The following TP63 variants were observed in gnomAD, a reference collection of about 807,000 sequenced individuals.
The protein encoded by TP63 is tumor protein p63.
A neutral mutation model predicts 82.8 loss-of-function variants in TP63; 17 were observed. The ratio of observed to expected loss-of-function variants is 0.21; its 90% CI spans 0.14 to 0.31. The LOEUF is 0.31. TP63 is among the 10% of genes least tolerant of loss of function. The probability of loss-of-function intolerance (pLI) is 1.00; values close to 1 mark genes in which losing one functional copy is unlikely to be tolerated. For synonymous variants in TP63, 330 were observed against 321.7 expected (o/e 1.03, Z -0.28); for missense variants, 648 against 895.3 (o/e 0.72, Z 3.52).
intron 4 of TP63, among the ~76,000 whole-genome samples, chr3:189,850,341 G>A (rs747073237): frequency 2.0e-4 from 30 of 151,948 alleles, no homozygotes; most frequent in Non-Finnish European, 2.9e-4. Flanking sequence ...CGTAAAAAAA[G>A]TAAGTAAATT....
chr3:189,675,399 G>C (rs1423250198), intron 1 of TP63, among the ~76,000 whole-genome samples: 1 of 151,926 alleles, frequency 6.6e-6, no homozygotes. Context: ...ACTGTCTATA[G>C]GTCATTTTAA....
intron 1 of TP63, among the ~76,000 whole-genome samples, chr3:189,680,405 TGAAAAG>T (rs1482453526): frequency 2.0e-5 from 3 of 152,088 alleles, no homozygotes; most frequent in Admixed American, 6.6e-5. Flanking sequence ...TCCAAAAAAT[TGAAAAG>T]GAGAGACCAC....
intron 12 of TP63, among the ~76,000 whole-genome samples, chr3:189,890,408 A>G (rs1420350176): frequency 3.9e-5 from 6 of 152,220 alleles, no homozygotes; most frequent in Non-Finnish European, 4.4e-5. Flanking sequence ...TACAAAACAA[A>G]TAAAGTAGAG....
intron 1 of TP63, among the ~76,000 whole-genome samples, chr3:189,680,657 C>A (rs1164385855): frequency 6.6e-6 from 1 of 152,182 alleles, no homozygotes; most frequent in Non-Finnish European, 1.5e-5. Flanking sequence ...TGTGACATAT[C>A]ACATTAACAG....
At chr3:189,778,371 T>C (rs1305422927) in intron 3 of TP63, among the ~76,000 whole-genome samples, 1 of 152,198 alleles carries the variant, frequency 6.6e-6, no homozygotes, top group Non-Finnish European at 1.5e-5. Flanking sequence ...ATCAACTAAT[T>C]TTTAATCAGC....
intron 1 of TP63, among the ~76,000 whole-genome samples, chr3:189,694,812 TTTTTTTTTTTTG>T (rs1717235420): frequency 8.7e-6 from 1 of 114,958 alleles, no homozygotes; most frequent in Admixed American, 9.4e-5. Context: ...TTTTTTTTTT[TTTTTTTTTTTTG>T]AGACAGAGTC....
intron 3 of TP63, among the ~76,000 whole-genome samples, chr3:189,787,822 C>T (rs1223661629): frequency 2.0e-5 from 3 of 151,964 alleles, no homozygotes; most frequent in African/African-American, 7.2e-5. Context: ...CATCCAGAAC[C>T]GCCTAGCAGG....
intron 4 of TP63, among the ~76,000 whole-genome samples, chr3:189,813,595 G>GT (rs1553846624): frequency 2.1e-3 from 69 of 33,532 alleles, no homozygotes; most frequent in South Asian, 4.4e-3. Flanking sequence ...TCCTCAGGTT[G>GT]TTTTTTTTTT....
chr3:189,886,346 C>A (rs1490240757), intron 10 of TP63, 48 bp from the exon 11 acceptor site: 8 of 1,597,144 alleles, frequency 5.0e-6, no homozygotes, highest in Non-Finnish European at 6.9e-6. Context: ...ATAGTCCCCA[C>A]TCTTCAGTGT....
intron 3 of TP63, among the ~76,000 whole-genome samples, chr3:189,772,922 A>G (rs947285396): frequency 7.2e-5 from 11 of 152,192 alleles, no homozygotes; most frequent in African/African-American, 2.7e-4. Context: ...AGTGTCTTTT[A>G]TCTGAGCATC....
At chr3:189,617,661 C>T in the TP63 span, among the ~76,000 whole-genome samples, 1 of 152,148 alleles carries the variant, frequency 6.6e-6, no homozygotes, top group African/African-American at 2.4e-5. Context: ...TAACATCTAC[C>T]ATCTTCCTAG....
At chr3:189,778,867 A>C (rs1211117643) in intron 3 of TP63, among the ~76,000 whole-genome samples, 2 of 152,256 alleles carry the variant, frequency 1.3e-5, no homozygotes, top group African/African-American at 4.8e-5. Flanking sequence ...AAAGAAGAGA[A>C]TGTAAGTAAA....
intron 4 of TP63, among the ~76,000 whole-genome samples, chr3:189,830,920 G>T (rs183046511): frequency 7.2e-5 from 11 of 152,330 alleles, no homozygotes; most frequent in Non-Finnish European, 1.6e-4. Context: ...CAAAGGAGTT[G>T]TGTAGGATTA....
intron 4 of TP63, among the ~76,000 whole-genome samples, chr3:189,838,342 A>T (rs541795721): frequency 2.6e-4 from 39 of 152,268 alleles, no homozygotes; most frequent in Admixed American, 2.5e-3. Context: ...TATTACTAAA[A>T]CATGTTAATA....
intron 1 of TP63, among the ~76,000 whole-genome samples, chr3:189,731,095 C>T (rs545606232): frequency 1.4e-4 from 21 of 152,290 alleles, no homozygotes; most frequent in Admixed American, 9.8e-4. Context: ...GTAATCCCAG[C>T]GCTCTGGGAA....
chr3:189,777,391 T>G (rs1431624621), intron 3 of TP63, among the ~76,000 whole-genome samples: 1 of 152,054 alleles, frequency 6.6e-6, no homozygotes. Flanking sequence ...GAGATGGGAT[T>G]TCACCATGTT....
Position 189,665,425 on chromosome 3 carries a change from A to C in TP63, c.62+33848A>C, listed in dbSNP as rs77270347. 4.6e-5 allele frequency among the ~76,000 whole-genome samples: 7 copies of C among 152,266 alleles called. No homozygotes were observed. In the East Asian group the frequency reaches 1.4e-3, roughly 29 times the overall value. ...CAAACCTGATAAGCTACTTTTTGTCAGGATCAGGTCCTAGTTTGGTATGTT... is the reference window on the plus strand; with the variant it reads ...CAAACCTGATAAGCTACTTTTTGTCCGGATCAGGTCCTAGTTTGGTATGTT... On this transcript the variant is annotated intron_variant, in intron 1 of 13. Transcript: ENST00000264731.
chr3:189,677,035 G>A lies in TP63; in HGVS notation c.62+45458G>A, dbSNP rs563797533. Among the ~76,000 whole-genome samples the A allele has an allele frequency of 2.6e-4, 33 of 126,084 alleles. 1 individual carries two copies. The highest frequency in any genetic ancestry group is 1.1e-3 in the Admixed American group (12 of 10,618). 82.7% of individuals were successfully genotyped at this position (126,084 alleles called of 152,430 possible). ...CTATTATTCTGCTCTCTATGTCCAC[G>A]TACAGGGTATTTAGCTCCCATTTAT... On this transcript the variant is annotated intron_variant, in intron 1 of 13. Coordinates refer to ENST00000264731, the MANE Select transcript of TP63 (RefSeq NM_003722.5).
intron 6 of TP63, among the ~76,000 whole-genome samples, chr3:189,867,565 G>A (rs1717885762): frequency 6.6e-6 from 1 of 152,104 alleles, no homozygotes; most frequent in South Asian, 2.1e-4. Context: ...ACATGATGTG[G>A]ATCAGCTTAC....
Sources: gnomAD v4.1 joint callset for allele counts (sites outside exome capture counted in the v4.1 genomes callset) on GRCh38, gnomAD v4.1.1 for gene constraint, MANE v1.5 for transcripts, NCBI Gene and HGNC (gene_info 2026-07-23, HGNC 2026-07-21) for gene names.